The following MGMT variants were observed in gnomAD, a reference collection of about 807,000 sequenced individuals.
MGMT encodes O-6-methylguanine-DNA methyltransferase.
A neutral mutation model predicts 15.9 loss-of-function variants in MGMT; 14 were observed. The observed-to-expected ratio is 0.88, with a 90% CI of 0.58 to 1.37. The LOEUF is 1.37. Ranked by LOEUF, MGMT falls within the 40% of genes most tolerant of loss-of-function variation. The probability of loss-of-function intolerance (pLI) is 0.00; values close to 1 mark genes in which losing one functional copy is unlikely to be tolerated. For synonymous variants in MGMT, 130 were observed against 118.2 expected, an observed-to-expected ratio of 1.10 and a Z score of -0.65; for missense variants, 282 against 268.1, an observed-to-expected ratio of 1.05 and a Z score of -0.36.
chr10:129,542,786 G>A (rs1352844660), intron 2 of MGMT, among the ~76,000 whole-genome samples: 1 of 152,156 alleles, frequency 6.6e-6, no homozygotes, highest in African/African-American at 2.4e-5. Flanking sequence ...TGGCGAGCCT[G>A]GAACCCCTTG....
At chr10:129,558,201 A>G (rs1846237584) in intron 2 of MGMT, among the ~76,000 whole-genome samples, 1 of 152,136 alleles carries the variant, frequency 6.6e-6, no homozygotes, top group Admixed American at 6.5e-5. Flanking sequence ...ATTGTTGATA[A>G]ATGGCCAAAT....
intron 1 of MGMT, among the ~76,000 whole-genome samples, chr10:129,508,785 G>A (rs192235739): frequency 3.4e-4 from 52 of 152,138 alleles, no homozygotes; most frequent in Non-Finnish European, 5.7e-4. Flanking sequence ...GATCGCAGGT[G>A]ATCCACCCGT....
chr10:129,651,329 G>A (rs1360630445), intron 2 of MGMT, among the ~76,000 whole-genome samples: 1 of 152,042 alleles, frequency 6.6e-6, no homozygotes, highest in African/African-American at 2.4e-5. Flanking sequence ...GGTGGTCCCA[G>A]GTGACTAATA....
intron 2 of MGMT, among the ~76,000 whole-genome samples, chr10:129,610,927 G>A (rs1236136080): frequency 6.6e-6 from 1 of 152,228 alleles, no homozygotes; most frequent in African/African-American, 2.4e-5. Flanking sequence ...GTTCTCGTGA[G>A]ATACTTGAAT....
chr10:129,732,503 C>T (rs1346905515), intron 3 of MGMT, among the ~76,000 whole-genome samples: 15 of 151,782 alleles, frequency 9.9e-5, no homozygotes, highest in Non-Finnish European at 1.8e-4. Context: ...TTTATGGCTG[C>T]ATGGTATTCC....
rs78180245 is a variant in MGMT, at chr10:129,574,750, G to A, written c.125+38373G>A. 4.5e-3 allele frequency among the ~76,000 whole-genome samples: 685 copies of A among 152,308 alleles called. 3 individuals carry two copies. Among genetic ancestry groups the A allele is most frequent in the African/African-American group, 0.016 (650 of 41,562 alleles). ...AGCATTCCTTGGAAAACACTTCTGT[G>A]AGCATTGTCGCAGACTTGATGATGT... On this transcript the variant is annotated intron_variant, in intron 2 of 4. Transcript: ENST00000651593.
At chr10:129,473,222 G>A (rs933772907) in intron 1 of MGMT, among the ~76,000 whole-genome samples, 20 of 152,244 alleles carry the variant, frequency 1.3e-4, no homozygotes, top group Admixed American at 2.6e-4. Context: ...GATCACAGCA[G>A]TGAGGGGTAA....
chr10:129,503,121 T>A (rs1845591158), intron 1 of MGMT, among the ~76,000 whole-genome samples: 2 of 151,828 alleles, frequency 1.3e-5, no homozygotes, highest in South Asian at 4.2e-4. Context: ...TTTTTTTTAT[T>A]ATTATCCTCC....
intron 2 of MGMT, among the ~76,000 whole-genome samples, chr10:129,568,729 G>A (rs896286219): frequency 9.9e-5 from 15 of 152,164 alleles, no homozygotes; most frequent in African/African-American, 3.6e-4. Context: ...GGAGGGCTCT[G>A]GTTTCTGGAG....
At chr10:129,526,223 C>CT (rs1392004234) in intron 1 of MGMT, among the ~76,000 whole-genome samples, 1 of 152,272 alleles carries the variant, frequency 6.6e-6, no homozygotes, top group Non-Finnish European at 1.5e-5. Flanking sequence ...ACATGCTTTT[C>CT]TTTTTTTAAA....
intron 2 of MGMT, among the ~76,000 whole-genome samples, chr10:129,691,552 A>G (rs1370093083): frequency 3.3e-5 from 5 of 152,194 alleles, no homozygotes; most frequent in African/African-American, 4.8e-5. Context: ...TGGGTTTCAA[A>G]TAACATCATG....
chr10:129,611,842 C>T (rs1395517900), intron 2 of MGMT, among the ~76,000 whole-genome samples: 3 of 152,122 alleles, frequency 2.0e-5, no homozygotes, highest in Non-Finnish European at 2.9e-5. Flanking sequence ...ATGCACTGGT[C>T]CTGAAACAAG....
chr10:129,521,192 C>T (rs1381467895), intron 1 of MGMT, among the ~76,000 whole-genome samples: 5 of 152,144 alleles, frequency 3.3e-5, no homozygotes, highest in African/African-American at 4.8e-5. Context: ...GTCAGAGTGA[C>T]CTCACCAGCT....
intron 1 of MGMT, 132 bp from the exon 2 acceptor site, chr10:129,536,109 G>C: frequency 1.9e-6 from 2 of 1,045,012 alleles, no homozygotes; most frequent in South Asian, 1.6e-5. Flanking sequence ...ATGATGCATC[G>C]TATAATTCCA....
intron 2 of MGMT, among the ~76,000 whole-genome samples, chr10:129,601,802 G>A (rs553149262): frequency 6.6e-6 from 1 of 152,204 alleles, no homozygotes; most frequent in African/African-American, 2.4e-5. Context: ...GCTGGTGGGC[G>A]TGCAGGGCTT....
Position 129,467,365 on chromosome 10 carries a change from G to C in MGMT, c.-13+69G>C, listed in dbSNP as rs971187479. 3.8e-5 allele frequency: 56 copies of C among 1,461,724 alleles called. No homozygotes were observed. The East Asian group carries it at 1.6e-3, about 41-fold the overall frequency. The allele number at this position is 1,461,724 out of a possible 1,614,324, so 90.5% of individuals were successfully genotyped here. A position where few individuals can be genotyped will look rare whatever the true frequency, so the allele number is the denominator to read the frequency against. Reference sequence around the variant, plus strand: ...TCCCTCGGGACGGTGGCAGCCTCGAGTGGTCCTGCAGGCGCCCTCACTTCG... The same window carrying C: ...TCCCTCGGGACGGTGGCAGCCTCGACTGGTCCTGCAGGCGCCCTCACTTCG... On this transcript the variant is annotated intron_variant, in intron 1 of 4. Transcript: ENST00000651593.
rs7087783 is a variant in MGMT, at chr10:129,659,875, A to G, written c.126-48020A>G. On this transcript the variant is annotated intron_variant, in intron 2 of 4. Coordinates refer to ENST00000651593, the MANE Select transcript of MGMT (RefSeq NM_002412.5). The surrounding 1 kb of genome is among the most constrained non-coding windows in gnomAD (Gnocchi z 4.1). ...CACCTGATGTTTGGGCACGGGCGAC[A>G]GGACGTAGGGTGGTCATCCGAATAT... Among the ~76,000 whole-genome samples the G allele has an allele frequency of 0.13, 19,519 of 152,256 alleles. 2,782 individuals carry two copies. Among genetic ancestry groups the G allele is most frequent in the African/African-American group, 0.35 (14,655 of 41,506 alleles).
intron 2 of MGMT, among the ~76,000 whole-genome samples, chr10:129,615,469 G>C (rs980751094): frequency 6.6e-6 from 1 of 152,172 alleles, no homozygotes; most frequent in Admixed American, 6.5e-5. Context: ...AGAGTCATCT[G>C]ACGGCGCCGG....
At chr10:129,514,759 T>G (rs1468224185) in intron 1 of MGMT, among the ~76,000 whole-genome samples, 3 of 152,336 alleles carry the variant, frequency 2.0e-5, no homozygotes, top group East Asian at 3.9e-4. Context: ...AAGTGGGGCC[T>G]CACCAGGCAC....
Sources: gnomAD v4.1 joint callset for allele counts (sites outside exome capture counted in the v4.1 genomes callset) on GRCh38, gnomAD v4.1.1 for gene constraint, Gnocchi (gnomAD v3.1) non-coding constraint, MANE v1.5 for transcripts, NCBI Gene and HGNC (gene_info 2026-07-23, HGNC 2026-07-21) for gene names.